Variants in FBXL6 observed in about 807,000 individuals in gnomAD.
FBXL6 encodes F-box/LRR-repeat protein 6.
A neutral mutation model predicts 53.3 loss-of-function variants in FBXL6; 50 were observed. The observed-to-expected ratio is 0.94, with a 90% CI of 0.75 to 1.19. The LOEUF is 1.19. Among genes scored for constraint, FBXL6 ranks in the 50% most tolerant of loss-of-function variants. FBXL6 has a pLI of 0.00. For missense variants in FBXL6, 815 were observed against 719.0 expected (o/e 1.13, Z -1.53); for synonymous variants, 405 against 322.9 (o/e 1.25, Z -2.73).
rs1818416094 is a variant in FBXL6 at position 144,356,377 on chromosome 8, G to A, written c.1148C>T (p.Ser383Phe). The A allele has an allele frequency of 7.4e-7, 1 of 1,358,004 alleles. No homozygotes were observed. Among genetic ancestry groups the A allele is most frequent in the South Asian group, 1.4e-5 (1 of 71,040 alleles). The allele number at this position is 1,358,004 out of a possible 1,614,324, so 84.1% of individuals were successfully genotyped here. Residue 383 changes from serine (S) to phenylalanine (F), a missense_variant, in exon 7 of 9, where the codon TCT (serine) becomes TTT (phenylalanine). Physicochemically the swap from Ser to Phe is radical, Grantham distance 155. Transcript: ENST00000331890. Reference sequence around the variant, plus strand: ...AAGATCCAGTAAGCGCAGGTTGGGAGAGCCGTGGAGTAGGCGGCCCAGGAC... The same window carrying A: ...AAGATCCAGTAAGCGCAGGTTGGGAAAGCCGTGGAGTAGGCGGCCCAGGAC... ...NEVLGRLLHG[S>F]PNLRLLDLRG...
At chr8:144,357,581 C>T (rs782740194) in intron 2 of FBXL6, 47 bp downstream of exon 2, 20 of 1,607,592 alleles carry the variant, frequency 1.2e-5, no homozygotes, top group Non-Finnish European at 1.6e-5. Context: ...TGCAGGGAGA[C>T]GGAAGGAGCC....
chr8:144,357,334 C>A, intron 3 of FBXL6, 105 bp downstream of exon 3: 3 of 1,317,586 alleles, frequency 2.3e-6, no homozygotes, highest in East Asian at 5.0e-5. Context: ...GGCAGACATC[C>A]CCACGGAGCA....
rs1554853104 is a variant in FBXL6, at chr8:144,357,422, C to G, written c.639+17G>C. 2 of 1,608,550 alleles carry G rather than the reference C, an allele frequency of 1.2e-6. No individual in the cohort carries two copies. The highest frequency in any genetic ancestry group is 1.7e-6 in the Non-Finnish European group (2 of 1,177,568). ...AGAGTGTCACAGCTGATGTGCAGGACAGCCTGGAGCTCTCACCTTCAACAC... is the reference window on the plus strand; with the variant it reads ...AGAGTGTCACAGCTGATGTGCAGGAGAGCCTGGAGCTCTCACCTTCAACAC... On this transcript the variant is annotated intron_variant, in intron 3 of 8. Coordinates refer to ENST00000331890, the MANE Select transcript of FBXL6 (RefSeq NM_012162.4).
chr8:144,356,571 AC>A lies in FBXL6; in HGVS notation c.993+28del, dbSNP rs782108703. On this transcript the variant is annotated intron_variant, in intron 6 of 8. Coordinates refer to ENST00000331890, the MANE Select transcript of FBXL6 (RefSeq NM_012162.4). ...CAGGCTGTAGATGGGGGAGGGTGTGACAGGTGGGAGAGGCAGGGCGCCAGGT... is the reference window on the plus strand; with the variant it reads ...CAGGCTGTAGATGGGGGAGGGTGTGAAGGTGGGAGAGGCAGGGCGCCAGGT... 1.9e-6 allele frequency: 3 copies of A among 1,612,692 alleles called. No homozygotes were observed. The South Asian group carries it at 3.3e-5, about 18-fold the overall frequency.
Position 144,356,617 on chromosome 8 carries a change from C to G in FBXL6, c.976G>C (p.Gly326Arg). 1 of 1,612,988 alleles carries G rather than the reference C, an allele frequency of 6.2e-7. No individual in the cohort carries two copies. Among genetic ancestry groups the G allele is most frequent in the South Asian group, 1.1e-5 (1 of 91,084 alleles). Reference protein sequence around the residue: ...LQLPVEALQKGCPQLQVLRLL... With the variant: ...LQLPVEALQKRCPQLQVLRLL... ...CCAGGTACCTGGAGCTGAGGGCAGC[C>G]TTTCTGCAGAGCCTCGACAGGCAGC... Residue 326 changes from glycine to arginine, a missense_variant, in exon 6 of 9, where the codon GGC becomes CGC. Gly to Arg is a moderately radical substitution (Grantham distance 125). Coordinates refer to ENST00000331890, the MANE Select transcript of FBXL6 (RefSeq NM_012162.4).
At chr8:144,357,177 A>G in intron 3 of FBXL6, 56 bp from the exon 4 acceptor site, 1 of 1,606,220 alleles carries the variant, frequency 6.2e-7, no homozygotes, top group South Asian at 1.1e-5. Flanking sequence ...AAGATCCACA[A>G]GGGAAACAGA....
rs782312810 is a variant in FBXL6, at chr8:144,356,270, C to A, written c.1225+30G>T. On this transcript the variant is annotated intron_variant, in intron 7 of 8. Transcript: ENST00000331890. ...AGGTGACAAGGGCCCCCACACCTCA[C>A]CCGCCCGGCCACCACCCAGGACTGC... 15 of 1,611,388 alleles carry A rather than the reference C, an allele frequency of 9.3e-6. No homozygotes were observed. The East Asian group carries it at 3.3e-4, about 36-fold the overall frequency.
Position 144,356,136 on chromosome 8 carries a change from G to A in FBXL6, c.1304C>T (p.Thr435Ile), listed in dbSNP as rs782721558. Residue 435 changes from threonine to isoleucine, a missense_variant, in exon 8 of 9, where the codon ACC becomes ATC. Transcript: ENST00000331890. ...TCGCAGTGTATGGCACCACTTCTGGGTCAAAAAGGGGCTGCCCTCCTTGGC... is the reference window on the plus strand; with the variant it reads ...TCGCAGTGTATGGCACCACTTCTGGATCAAAAAGGGGCTGCCCTCCTTGGC... ...TLAKEGSPFL[T>I]QKWCHTLREL... 7 of 1,612,860 alleles carry A rather than the reference G, an allele frequency of 4.3e-6. No homozygotes were observed. The African/African-American group carries it at 8.0e-5, about 18-fold the overall frequency.
At chr8:144,355,732 C>T (rs1475537227) in intron 8 of FBXL6, 54 bp from the exon 9 acceptor site, 2 of 1,596,632 alleles carry the variant, frequency 1.3e-6, no homozygotes, top group Non-Finnish European at 1.7e-6. Context: ...AAGGGCTGGG[C>T]CAGGCTAGGG....
rs1351160598 is a variant in FBXL6, at chr8:144,355,980, G to C, written c.1460C>G (p.Pro487Arg). 1.2e-6 allele frequency: 2 copies of C among 1,612,646 alleles called. No homozygotes were observed. The highest frequency in any genetic ancestry group is 1.7e-4 in the Middle Eastern group (1 of 6,004). The change falls in exon 8 of 9, where the codon CCA becomes CGA. Residue 487 changes from proline (P) to arginine (R), a missense_variant. By Grantham distance (103) the Pro-to-Arg change is moderately radical (BLOSUM62 -2). Coordinates refer to ENST00000331890, the MANE Select transcript of FBXL6 (RefSeq NM_012162.4). ...SLNLRGTRVTPSTVSSVISGC... is the reference protein window; with the variant it reads ...SLNLRGTRVTRSTVSSVISGC... ...AGGGGATGCTGACCTGACAGTGCTT[G>C]GTGTGACCCGGGTGCCCCTGAGGTT... is the stretch of plus-strand genomic sequence containing the variant.
Position 144,356,711 on chromosome 8 carries a change from G to A in FBXL6, c.882C>T (p.Gly294=), listed in dbSNP as rs1266126552. Residue 294 remains glycine, a splice_region_variant and synonymous_variant, in exon 6 of 9, where the codon GGC becomes GGT. Coordinates refer to ENST00000331890, the MANE Select transcript of FBXL6 (RefSeq NM_012162.4). ...GGACCTGGAGCTGGGGGCAGCAGCT[G>A]CCCTGCAGAGATGGGGGGAGGGGGT... ...QTTAILGALL[G]SCCPQLQVLE... The A allele has an allele frequency of 1.9e-6, 3 of 1,611,898 alleles. No homozygotes were observed. The highest frequency in any genetic ancestry group is 2.5e-6 in the Non-Finnish European group (3 of 1,179,728).
intron 8 of FBXL6, 122 bp from the exon 9 acceptor site, chr8:144,355,800 G>C: frequency 6.6e-7 from 1 of 1,520,472 alleles, no homozygotes; most frequent in Non-Finnish European, 8.9e-7. Context: ...CCAAGGCCAA[G>C]CCCAGTTCCC....
chr8:144,356,601 T>C lies in FBXL6; in HGVS notation c.992A>G (p.Gln331Arg), dbSNP rs1818437238. The change falls in exon 6 of 9, where the codon CAG (glutamine) becomes CGG (arginine). Residue 331 changes from glutamine to arginine, a missense_variant and splice_region_variant. Transcript: ENST00000331890. ...TGGGAGAGGCAGGGCGCCAGGTACC[T>C]GGAGCTGAGGGCAGCCTTTCTGCAG... ...EALQKGCPQL[Q>R]VLRLLNLMWL... 6.2e-6 allele frequency: 10 copies of C among 1,612,844 alleles called. No individual in the cohort carries two copies. The highest frequency in any genetic ancestry group is 3.3e-5 in the South Asian group (3 of 91,080).
Position 144,357,747 on chromosome 8 carries a change from G to A in FBXL6, c.456C>T (p.Ser152=), listed in dbSNP as rs1554853231. The A allele has an allele frequency of 3.1e-6, 5 of 1,599,422 alleles. No homozygotes were observed. In the East Asian group the frequency reaches 6.8e-5, roughly 22 times the overall value. Residue 152 remains serine (S), a synonymous_variant, in exon 2 of 9, where the codon TCC becomes TCT. Coordinates refer to ENST00000331890, the MANE Select transcript of FBXL6 (RefSeq NM_012162.4). ...RVCRRWQEAA[S]QPALWHTVTL... is the part of the protein sequence containing the mutation. ...TCACGGTGTGCCAGAGCGCGGGTTG[G>A]GAAGCGGCCTCCTGCCAGCGGCGGC...
Position 144,358,319 on chromosome 8 carries a change from G to A in FBXL6, c.129C>T (p.Asp43=). The A allele has an allele frequency of 1.6e-6, 2 of 1,264,662 alleles. No individual in the cohort carries two copies. The highest frequency in any genetic ancestry group is 2.0e-6 in the Non-Finnish European group (2 of 1,006,406). 78.3% of individuals were successfully genotyped at this position (1,264,662 alleles called of 1,614,324 possible). ...RGSGYHLLQS[D]SMLLVLSEPG... Reference sequence around the variant, plus strand: ...GTTCGGACAGCACCAGCAGCATGCTGTCGGACTGCAGCAGGTGGTACCCCG... The same window carrying A: ...GTTCGGACAGCACCAGCAGCATGCTATCGGACTGCAGCAGGTGGTACCCCG... The change falls in exon 1 of 9, where the codon GAC becomes GAT. Residue 43 remains aspartate (D), a synonymous_variant. Transcript: ENST00000331890.
chr8:144,356,639 C>G lies in FBXL6; in HGVS notation c.954G>C (p.Leu318=). 6 of 1,612,986 alleles carry G rather than the reference C, an allele frequency of 3.7e-6. No individual in the cohort carries two copies. Among genetic ancestry groups the G allele is most frequent in the Non-Finnish European group, 5.1e-6 (6 of 1,179,974 alleles). ...AGCCTTTCTGCAGAGCCTCGACAGG[C>G]AGCTGAAGGGGAATGCTATTACGGT... ...GINRNSIPLQ[L]PVEALQKGCP... The change falls in exon 6 of 9, where the codon CTG becomes CTC. Residue 318 remains leucine, a synonymous_variant. Transcript: ENST00000331890.
rs1273538374 is a variant in FBXL6, at chr8:144,356,907, G to A, written c.780C>T (p.Ser260=). Residue 260 remains serine (S), a synonymous_variant, in exon 5 of 9, where the codon TCC becomes TCT. Transcript: ENST00000331890. ...SLDLQHSMVE[S]TAVVSFLEEA... Reference sequence around the variant, plus strand: ...CCTCCAAGAAGCTCACCACAGCTGTGGACTCCACCTGGGGCCCCAATACAA... The same window carrying A: ...CCTCCAAGAAGCTCACCACAGCTGTAGACTCCACCTGGGGCCCCAATACAA... The A allele has an allele frequency of 6.2e-7, 1 of 1,613,266 alleles. No homozygotes were observed. The highest frequency in any genetic ancestry group is 8.5e-7 in the Non-Finnish European group (1 of 1,180,008).
rs368752349 is a variant in FBXL6, at chr8:144,356,315, C to A, written c.1210G>T (p.Asp404Tyr). ...GACTGCTGACCCCGACATGGCAGAT[C>A]CTGAAGGCCAGCCGGCGTGATGCGC... Reference protein sequence around the residue: ...CARITPAGLQDLPCRELEQLH... With the variant: ...CARITPAGLQYLPCRELEQLH... The change falls in exon 7 of 9, where the codon GAT becomes TAT. Residue 404 changes from aspartate (D) to tyrosine (Y), a missense_variant. By Grantham distance (160) the Asp-to-Tyr change is radical (BLOSUM62 -3). Transcript: ENST00000331890. 11 of 827,932 alleles carry A rather than the reference C, an allele frequency of 1.3e-5. No individual in the cohort carries two copies. Among genetic ancestry groups the A allele is most frequent in the Middle Eastern group, 5.2e-4 (2 of 3,840 alleles). The allele number at this position is 827,932 out of a possible 1,614,324, so 51.3% of individuals were successfully genotyped here. A position where few individuals can be genotyped will look rare whatever the true frequency, so the allele number is the denominator to read the frequency against.
rs782301861 is a variant in FBXL6, at chr8:144,356,855, A to C, written c.832T>G (p.Trp278Gly). Residue 278 changes from tryptophan (W) to glycine (G), a missense_variant, in exon 5 of 9, where the codon TGG becomes GGG. By Grantham distance (184) the Trp-to-Gly change is radical. Coordinates refer to ENST00000331890, the MANE Select transcript of FBXL6 (RefSeq NM_012162.4). ...GTCGTCTGGGAGCTGTAGGTCAGCC[A>C]CAACTTGCGCATTCGGGACCCTGCC... is the stretch of plus-strand genomic sequence containing the variant. ...EEAGSRMRKL[W>G]LTYSSQTTAI... 8.7e-6 allele frequency: 14 copies of C among 1,613,264 alleles called. No individual in the cohort carries two copies. The highest frequency in any genetic ancestry group is 1.7e-5 in the Admixed American group (1 of 59,990).
Sources: allele counts gnomAD v4.1 joint callset, GRCh38; gene constraint gnomAD v4.1.1; transcripts MANE v1.5; gene names NCBI Gene and HGNC (gene_info 2026-07-23, HGNC 2026-07-21).